BLTP1: variants seen among roughly 807,000 people sequenced by gnomAD.
The protein encoded by BLTP1 is bridge-like lipid transfer protein family member 1.
chr4:122,353,761 T>C, the BLTP1 span: 1 of 1,547,586 alleles, frequency 6.5e-7, no homozygotes, highest in Non-Finnish European at 8.8e-7. This position sits in a 1 kb window ranked among gnomAD's most constrained non-coding sequence, Gnocchi z 4.3. Context: ...AATTATCATC[T>C]TGAATCTAAA....
chr4:122,351,602 GAAC>G, the BLTP1 span, among the ~76,000 whole-genome samples: 1 of 151,988 alleles, frequency 6.6e-6, no homozygotes, highest in Non-Finnish European at 1.5e-5. Context: ...TTTTTTATAT[GAAC>G]TGACTTATTG....
At chr4:122,239,941 A>C in the BLTP1 span, 1 of 1,614,088 alleles carries the variant, frequency 6.2e-7, no homozygotes, top group Non-Finnish European at 8.5e-7. Context: ...AAAAAGAAGA[A>C]AAAGCAAACC....
the BLTP1 span, chr4:122,237,676 C>T: frequency 1.5e-5 from 11 of 724,308 alleles, no homozygotes; most frequent in African/African-American, 1.7e-4. Flanking sequence ...ATTTCTAAAA[C>T]GTTTAACAAA....
At chr4:122,200,921 A>C in the BLTP1 span, 2 of 1,519,238 alleles carry the variant, frequency 1.3e-6, no homozygotes, top group Non-Finnish European at 1.8e-6. Context: ...TTAATTACTC[A>C]CTAGCGTGTG....
chr4:122,217,493 G>A, the BLTP1 span, among the ~76,000 whole-genome samples: 1 of 151,790 alleles, frequency 6.6e-6, no homozygotes, highest in African/African-American at 2.4e-5. Flanking sequence ...TTGTTGAATA[G>A]GTTTTTGTTT....
chr4:122,226,686 C>G, the BLTP1 span: 1 of 1,612,270 alleles, frequency 6.2e-7, no homozygotes, highest in South Asian at 1.1e-5. Flanking sequence ...GTGTTGTCAA[C>G]TTGTCACTGA....
the BLTP1 span, chr4:122,343,404 C>CT: frequency 6.2e-7 from 1 of 1,613,508 alleles, no homozygotes; most frequent in Admixed American, 1.7e-5. Context: ...CCTGTGCTCA[C>CT]TGTAGGTTCA....
chr4:122,248,254 T>G, the BLTP1 span: 1 of 318,044 alleles, frequency 3.1e-6, no homozygotes, highest in African/African-American at 2.3e-5. Context: ...GACACTTTTA[T>G]CAGCTCTGTA....
At chr4:122,198,363 A>G in the BLTP1 span, 1 of 985,368 alleles carries the variant, frequency 1.0e-6, no homozygotes, top group Non-Finnish European at 1.2e-6. Flanking sequence ...AGAAAAGCCA[A>G]AAGCATCTTT....
the BLTP1 span, chr4:122,309,083 A>G: frequency 3.0e-6 from 1 of 335,894 alleles, no homozygotes; most frequent in Non-Finnish European, 4.2e-6. Context: ...AAAAAAATGC[A>G]CATGGCAAGT....
At chr4:122,158,435 T>C in the BLTP1 span, among the ~76,000 whole-genome samples, 1 of 152,162 alleles carries the variant, frequency 6.6e-6, no homozygotes, top group Admixed American at 6.5e-5. Context: ...TGTAGTTAGC[T>C]CTCTCTGTCC....
the BLTP1 span, chr4:122,356,836 G>C: frequency 6.6e-7 from 1 of 1,524,072 alleles, no homozygotes; most frequent in Non-Finnish European, 8.7e-7. Context: ...ATGGTCTAAT[G>C]AGAAAATGAG....
chr4:122,166,960 T>C, the BLTP1 span, among the ~76,000 whole-genome samples: 3 of 152,198 alleles, frequency 2.0e-5, no homozygotes, highest in African/African-American at 7.2e-5. Flanking sequence ...CATGTTCATA[T>C]CATTCTTTGG....
the BLTP1 span, chr4:122,209,944 T>C: frequency 4.4e-6 from 7 of 1,608,792 alleles, no homozygotes; most frequent in Non-Finnish European, 5.9e-6. Context: ...TTTATATAAT[T>C]TGTGCTTTTA....
At chr4:122,169,420 T>A in the BLTP1 span, among the ~76,000 whole-genome samples, 1 of 152,210 alleles carries the variant, frequency 6.6e-6, no homozygotes, top group Admixed American at 6.5e-5. Context: ...AAAAATCTCC[T>A]CTGCTGTTTA....
chr4:122,300,982 A>G, the BLTP1 span: 57 of 982,776 alleles, frequency 5.8e-5, no homozygotes, highest in Non-Finnish European at 6.8e-5. Context: ...AACAGAATTC[A>G]CATTATTAGT....
At chr4:122,310,178 C>G in the BLTP1 span, among the ~76,000 whole-genome samples, 1 of 151,880 alleles carries the variant, frequency 6.6e-6, no homozygotes, top group East Asian at 1.9e-4. Flanking sequence ...GTAATTTTTT[C>G]CTCTCTCCAC....
chr4:122,347,098 T>C, the BLTP1 span: 1 of 980,530 alleles, frequency 1.0e-6, no homozygotes, highest in South Asian at 4.7e-5. Context: ...GTAATCCTTT[T>C]AAATATCCAA....
chr4:122,263,217 T>G, the BLTP1 span: 1 of 985,270 alleles, frequency 1.0e-6, no homozygotes, highest in Non-Finnish European at 1.2e-6. Flanking sequence ...AGGCATTTGG[T>G]GTGGGGTACT....
Sources: allele counts gnomAD v4.1 joint callset (sites outside exome capture counted in the v4.1 genomes callset), GRCh38; gene constraint gnomAD v4.1.1; non-coding constraint Gnocchi (gnomAD v3.1); transcripts MANE v1.5; gene names NCBI Gene and HGNC (gene_info 2026-07-23, HGNC 2026-07-21).